CNTNAP2: variants seen among roughly 807,000 people sequenced by gnomAD.
CNTNAP2 encodes contactin associated protein 2.
In CNTNAP2, 98 loss-of-function variants were observed where a neutral mutation model predicts 155.2. The observed-to-expected ratio is 0.63, with a 90% CI of 0.54 to 0.75. CNTNAP2 has a LOEUF of 0.75. CNTNAP2 is among the 30% of genes least tolerant of loss of function. The probability of loss-of-function intolerance (pLI) is 0.00; values close to 1 mark genes in which losing one functional copy is unlikely to be tolerated. For missense variants in CNTNAP2, 1,727 were observed against 1,688.1 expected, an observed-to-expected ratio of 1.02 and a Z score of -0.40; for synonymous variants, 651 against 631.2, an observed-to-expected ratio of 1.03 and a Z score of -0.47.
intron 13 of CNTNAP2, among the ~76,000 whole-genome samples, chr7:147,650,078 T>A (rs2116939511): frequency 6.6e-6 from 1 of 152,266 alleles, no homozygotes; most frequent in Non-Finnish European, 1.5e-5. Context: ...AAATCGTAAT[T>A]TTTTCCAGTT....
chr7:146,993,658 G>C (rs899580791), intron 3 of CNTNAP2, among the ~76,000 whole-genome samples: 2 of 152,032 alleles, frequency 1.3e-5, no homozygotes, highest in African/African-American at 4.8e-5. Flanking sequence ...ACTACCTACT[G>C]TAACAGTGCT....
intron 18 of CNTNAP2, among the ~76,000 whole-genome samples, chr7:148,189,334 A>T (rs1202938926): frequency 6.6e-6 from 1 of 152,198 alleles, no homozygotes; most frequent in Non-Finnish European, 1.5e-5. Flanking sequence ...AACATTTAGA[A>T]AGACGGCAAG....
intron 9 of CNTNAP2, among the ~76,000 whole-genome samples, chr7:147,353,802 G>C (rs562270139): frequency 1.3e-5 from 2 of 152,158 alleles, no homozygotes; most frequent in South Asian, 4.2e-4. Context: ...ATCTTCTCCA[G>C]CATCTGTTGT....
chr7:146,327,080 T>C (rs1801110294), intron 1 of CNTNAP2, among the ~76,000 whole-genome samples: 1 of 152,140 alleles, frequency 6.6e-6, no homozygotes, highest in Non-Finnish European at 1.5e-5. Flanking sequence ...ATAATATAGA[T>C]AGTAAAATCT....
intron 11 of CNTNAP2, among the ~76,000 whole-genome samples, chr7:147,487,479 C>T (rs952378528): frequency 1.1e-4 from 17 of 152,072 alleles, no homozygotes; most frequent in African/African-American, 3.9e-4. Context: ...AAACTCAGTG[C>T]CTTCACTCCA....
intron 3 of CNTNAP2, among the ~76,000 whole-genome samples, chr7:146,933,346 C>T (rs1242045576): frequency 1.3e-5 from 2 of 151,766 alleles, no homozygotes; most frequent in Non-Finnish European, 2.9e-5. Context: ...GAAAGGATTC[C>T]CTATTTAATA....
chr7:146,403,044 C>A (rs1166401938), intron 1 of CNTNAP2, among the ~76,000 whole-genome samples: 1 of 152,082 alleles, frequency 6.6e-6, no homozygotes, highest in Non-Finnish European at 1.5e-5. Context: ...GGAAGTTATT[C>A]ATACAAAATG....
intron 1 of CNTNAP2, among the ~76,000 whole-genome samples, chr7:146,386,281 A>G (rs1397363318): frequency 6.6e-6 from 1 of 152,198 alleles, no homozygotes; most frequent in Non-Finnish European, 1.5e-5. Context: ...AGTTTGAATT[A>G]AAGCAATGTT....
Position 147,977,010 on chromosome 7 carries a change from G to A in CNTNAP2, c.2256-852G>A, listed in dbSNP as rs554833930. Among the ~76,000 whole-genome samples, 345 of 152,232 alleles carry A rather than the reference G, an allele frequency of 2.3e-3. 3 individuals carry two copies. The highest frequency in any genetic ancestry group is 8.1e-3 in the African/African-American group (335 of 41,532). Reference sequence around the variant, plus strand: ...CCAAATGAGGGATCCCTCAGCCACAGCAGCAGAAAAAGAGGACAAAAGGCC... The same window carrying A: ...CCAAATGAGGGATCCCTCAGCCACAACAGCAGAAAAAGAGGACAAAAGGCC... On this transcript the variant is annotated intron_variant, in intron 14 of 23. Transcript: ENST00000361727.
chr7:146,617,800 C>T lies in CNTNAP2; in HGVS notation c.98-156471C>T, dbSNP rs140288420. Among the ~76,000 whole-genome samples the T allele has an allele frequency of 8.8e-3, 1,345 of 152,038 alleles. 12 individuals carry two copies. Among genetic ancestry groups the T allele is most frequent in the Non-Finnish European group, 0.016 (1,091 of 67,962 alleles). On this transcript the variant is annotated intron_variant, in intron 1 of 23. Transcript: ENST00000361727. ...TATCTCATAAAAGTCAAGTCTGAAA[C>T]GTAAAATTTCTCAGGTCCTGCATAA...
At chr7:148,281,275 T>A (rs1796969980) in intron 21 of CNTNAP2, among the ~76,000 whole-genome samples, 2 of 152,268 alleles carry the variant, frequency 1.3e-5, no homozygotes, top group South Asian at 4.1e-4. Context: ...TAGATTAAAC[T>A]GCCTGCAACT....
intron 13 of CNTNAP2, among the ~76,000 whole-genome samples, chr7:147,815,388 T>C (rs1233851501): frequency 2.0e-5 from 3 of 152,300 alleles, no homozygotes; most frequent in East Asian, 1.9e-4. Context: ...CATGTGACCA[T>C]AGGACTGAAA....
chr7:147,997,663 G>A (rs1466775436), intron 15 of CNTNAP2, among the ~76,000 whole-genome samples: 3 of 152,170 alleles, frequency 2.0e-5, no homozygotes, highest in Non-Finnish European at 4.4e-5. Flanking sequence ...AGAATAGACA[G>A]GATGCTCTGA....
chr7:148,127,625 A>T (rs1409901204), intron 16 of CNTNAP2, among the ~76,000 whole-genome samples: 1 of 152,246 alleles, frequency 6.6e-6, no homozygotes, highest in Non-Finnish European at 1.5e-5. Flanking sequence ...GTCAGAAGAA[A>T]ATATTCTGCA....
intron 12 of CNTNAP2, among the ~76,000 whole-genome samples, chr7:147,592,576 T>TATTTCATA (rs530987679): frequency 1.4e-3 from 219 of 152,060 alleles, no homozygotes; most frequent in African/African-American, 4.9e-3. Context: ...AAATATCCCA[T>TATTTCATA]GACCCAATTC....
At chr7:146,344,521 C>A (rs1316427558) in intron 1 of CNTNAP2, among the ~76,000 whole-genome samples, 1 of 150,276 alleles carries the variant, frequency 6.7e-6, no homozygotes, top group Admixed American at 6.6e-5. Flanking sequence ...ACTTTGTAGC[C>A]CAGGCTGGAG....
At chr7:147,025,698 A>T (rs915913677) in intron 3 of CNTNAP2, among the ~76,000 whole-genome samples, 24 of 151,962 alleles carry the variant, frequency 1.6e-4, no homozygotes, top group African/African-American at 5.1e-4. Flanking sequence ...ATTTCAAATT[A>T]AAAAATAAAG....
chr7:148,405,446 T>TTTTTTTTTTTTTTTTTTTGTGGG, intron 22 of CNTNAP2, among the ~76,000 whole-genome samples: 1 of 70,142 alleles, frequency 1.4e-5, no homozygotes, highest in East Asian at 5.0e-4. Context: ...TTTTTTTTTT[T>TTTTTTTTTTTTTTTTTTTGTGGG]GAGACGGAGT....
chr7:148,210,624 T>C (rs968313222), intron 18 of CNTNAP2, among the ~76,000 whole-genome samples: 5 of 152,224 alleles, frequency 3.3e-5, no homozygotes, highest in African/African-American at 1.2e-4. Context: ...TTTGGCATTT[T>C]TTCTCCATTG....
Sources: gnomAD v4.1 joint callset for allele counts (sites outside exome capture counted in the v4.1 genomes callset) on GRCh38, gnomAD v4.1.1 for gene constraint, MANE v1.5 for transcripts, NCBI Gene and HGNC (gene_info 2026-07-23, HGNC 2026-07-21) for gene names.